Variants in TBCD observed in about 807,000 individuals in gnomAD.
The protein encoded by TBCD is tubulin-specific chaperone D.
TBCD carries 105 observed loss-of-function variants against 169.3 expected under a neutral mutation model. The ratio of observed to expected loss-of-function variants is 0.62; its 90% CI spans 0.53 to 0.73. The LOEUF (loss-of-function observed/expected upper bound fraction) is 0.73, where lower values mean the gene tolerates loss of function less well. TBCD is among the 30% of genes least tolerant of loss of function. The pLI is 0.00. For synonymous variants in TBCD, 700 were observed against 643.9 expected, an observed-to-expected ratio of 1.09 and a Z score of -1.32; for missense variants, 1,444 against 1,600.1, an observed-to-expected ratio of 0.90 and a Z score of 1.66.
At chr17:82,820,001 C>A (rs1478394550) in intron 13 of TBCD, among the ~76,000 whole-genome samples, 1 of 148,716 alleles carries the variant, frequency 6.7e-6, no homozygotes, top group Admixed American at 6.7e-5. Context: ...TTTTTTGAGA[C>A]AGAGTCTTGC....
At chr17:82,771,318 TAAAAG>T (rs1346748125) in intron 5 of TBCD, among the ~76,000 whole-genome samples, 2 of 151,658 alleles carry the variant, frequency 1.3e-5, no homozygotes, top group African/African-American at 4.8e-5. Flanking sequence ...TACCAAAAAA[TAAAAG>T]AAAATTAGCC....
chr17:82,882,380 C>T (rs932352391), intron 14 of TBCD, among the ~76,000 whole-genome samples: 2 of 152,204 alleles, frequency 1.3e-5, no homozygotes, highest in South Asian at 4.1e-4. Flanking sequence ...GTGTTCTGGG[C>T]CATCTCCAGG....
chr17:82,853,070 CT>C (rs946233470), intron 13 of TBCD, among the ~76,000 whole-genome samples: 7 of 151,530 alleles, frequency 4.6e-5, no homozygotes, highest in African/African-American at 1.7e-4. Context: ...TTCTCTCTCT[CT>C]TTTTTTTTAA....
rs908088918 is a variant in TBCD, at chr17:82,789,379, C to T, written c.771+7658C>T. On this transcript the variant is annotated intron_variant, in intron 7 of 38. Coordinates refer to ENST00000355528, the MANE Select transcript of TBCD (RefSeq NM_005993.5). This position sits in a 1 kb window ranked among gnomAD's most constrained non-coding sequence, Gnocchi z 4.8. The stretch of plus-strand genomic sequence containing the variant: ...TGAGGTGGCGCGACCTGCTCACAGA[C>T]GTGTGCTCACAGGCAGCCCGTCGCG... 5.3e-5 allele frequency among the ~76,000 whole-genome samples: 8 copies of T among 152,258 alleles called. No individual in the cohort carries two copies. The highest frequency in any genetic ancestry group is 9.6e-5 in the African/African-American group (4 of 41,466).
intron 6 of TBCD, among the ~76,000 whole-genome samples, chr17:82,775,002 C>T (rs1056951762): frequency 2.6e-5 from 4 of 152,216 alleles, no homozygotes; most frequent in Non-Finnish European, 4.4e-5. Context: ...CTGAGGGTTG[C>T]GTAGATTTTT....
At chr17:82,763,108 TTC>T (rs1156738652) in intron 2 of TBCD, among the ~76,000 whole-genome samples, 2 of 152,218 alleles carry the variant, frequency 1.3e-5, no homozygotes, top group Admixed American at 6.5e-5. Context: ...TTCAGCGATT[TTC>T]TCTTACTTGT....
rs2063428750 is a variant in TBCD at position 82,942,820 on chromosome 17, C to G, written c.*357C>G. 1 of 383,504 alleles carries G rather than the reference C, an allele frequency of 2.6e-6. No individual in the cohort carries two copies. The highest frequency in any genetic ancestry group is 4.7e-6 in the Non-Finnish European group (1 of 211,320). 23.8% of individuals were successfully genotyped at this position (383,504 alleles called of 1,614,324 possible). A position where few individuals can be genotyped will look rare whatever the true frequency, so the allele number is the denominator to read the frequency against. Reference sequence around the variant, plus strand: ...CTCCTCCTGCCTGGAGACCAGGCCCCCTTCTTGCCTGGTGCTGTCCCTGCT... The same window carrying G: ...CTCCTCCTGCCTGGAGACCAGGCCCGCTTCTTGCCTGGTGCTGTCCCTGCT... On this transcript the variant is annotated 3_prime_UTR_variant, in exon 39 of 39. Transcript: ENST00000355528.
Position 82,927,173 on chromosome 17 carries a change from T to C in TBCD, c.2472-13T>C. On this transcript the variant is annotated splice_polypyrimidine_tract_variant and intron_variant, in intron 28 of 38. Transcript: ENST00000355528. Reference sequence around the variant, plus strand: ...CGATGTTTGTTTGTTAGCTCACACATTTTAAATTTCAGGATTTGCCAGACT... The same window carrying C: ...CGATGTTTGTTTGTTAGCTCACACACTTTAAATTTCAGGATTTGCCAGACT... 1 of 1,613,952 alleles carries C rather than the reference T, an allele frequency of 6.2e-7. No individual in the cohort carries two copies. The highest frequency in any genetic ancestry group is 8.5e-7 in the Non-Finnish European group (1 of 1,179,846).
intron 22 of TBCD, among the ~76,000 whole-genome samples, chr17:82,910,277 T>C (rs1032012937): frequency 1.3e-5 from 2 of 152,200 alleles, no homozygotes; most frequent in African/African-American, 4.8e-5. Context: ...TGTGGTCGGC[T>C]CTGAACGTGG....
At chr17:82,760,187 T>G (rs2047680794) in intron 2 of TBCD, among the ~76,000 whole-genome samples, 1 of 152,196 alleles carries the variant, frequency 6.6e-6, no homozygotes, top group African/African-American at 2.4e-5. Flanking sequence ...GTCATTTTGT[T>G]TGATGTTAGT....
chr17:82,913,363 T>C, intron 23 of TBCD: 1 of 152,234 alleles, frequency 6.6e-6, no homozygotes, highest in East Asian at 1.9e-4. Flanking sequence ...GTTTGAGCAG[T>C]AAGTCTGCAC....
At chr17:82,853,946 TC>T (rs1261214038) in intron 13 of TBCD, among the ~76,000 whole-genome samples, 1 of 152,154 alleles carries the variant, frequency 6.6e-6, no homozygotes, top group African/African-American at 2.4e-5. Context: ...CCCAACCCAG[TC>T]CCATTCCACA....
intron 20 of TBCD, among the ~76,000 whole-genome samples, chr17:82,906,893 G>A (rs1051228320): frequency 2.0e-5 from 3 of 152,276 alleles, no homozygotes; most frequent in Admixed American, 1.3e-4. Context: ...CTCTGTGGTT[G>A]TGGAAGAAGG....
intron 13 of TBCD, among the ~76,000 whole-genome samples, chr17:82,862,179 C>CA (rs2056828213): frequency 6.6e-6 from 1 of 152,208 alleles, no homozygotes; most frequent in Admixed American, 6.5e-5. Flanking sequence ...GCCTCAGCCT[C>CA]CCAAAGTGCT....
In TBCD at chr17:82,911,710, T is replaced by C. The variant is rs751312643; in HGVS notation, c.2007-48T>C. On this transcript the variant is annotated intron_variant, in intron 22 of 38. Coordinates refer to ENST00000355528, the MANE Select transcript of TBCD (RefSeq NM_005993.5). The stretch of plus-strand genomic sequence containing the variant: ...TTGGCAAGCATATTTCATGGTGTTT[T>C]ATACGTCAAGAGGTTCTTCTAATTC... The C allele has an allele frequency of 5.7e-6, 9 of 1,591,272 alleles. No homozygotes were observed. The African/African-American group carries it at 9.4e-5, about 17-fold the overall frequency.
At position 82,833,855 on chromosome 17, in the gene TBCD, T is replaced by C. The variant is rs2053724935; in HGVS notation, c.1318+18921T>C. Among the ~76,000 whole-genome samples the C allele has an allele frequency of 2.6e-5, 4 of 152,314 alleles. No individual in the cohort carries two copies. Among genetic ancestry groups the C allele is most frequent in the Middle Eastern group, 3.4e-3 (1 of 292 alleles). On this transcript the variant is annotated intron_variant, in intron 13 of 38. Coordinates refer to ENST00000355528, the MANE Select transcript of TBCD (RefSeq NM_005993.5). The surrounding 1 kb of genome is among the most constrained non-coding windows in gnomAD (Gnocchi z 4.7). ...GTGATGTCAGAGCTGGCCTGCTCTTTTGGATTCTTCCAGAGGGTCTCTGTG... is the reference window on the plus strand; with the variant it reads ...GTGATGTCAGAGCTGGCCTGCTCTTCTGGATTCTTCCAGAGGGTCTCTGTG...
chr17:82,783,526 C>A (rs1480370048), intron 7 of TBCD, among the ~76,000 whole-genome samples: 6 of 152,214 alleles, frequency 3.9e-5, no homozygotes. Context: ...CCTTCCCCAG[C>A]CCCTGCAGCC....
At position 82,938,073 on chromosome 17, in the gene TBCD, C is replaced by T. The variant is rs762267763; in HGVS notation, c.3306C>T (p.Pro1102=). ...GGTTCTGCGAGATGGTGCAGTTCCC[C>T]GGCGACGTGAGGAGGCAGGCCCTCC... ...IAVFCEMVQF[P]GDVRRQALLQ... is the part of the protein sequence containing the mutation. Residue 1102 remains proline, a synonymous_variant, in exon 36 of 39, where the codon CCC becomes CCT. Transcript: ENST00000355528. The T allele has an allele frequency of 8.5e-5, 137 of 1,613,126 alleles. No homozygotes were observed. The highest frequency in any genetic ancestry group is 1.6e-4 in the East Asian group (7 of 44,870).
intron 20 of TBCD, among the ~76,000 whole-genome samples, chr17:82,906,549 G>C (rs1218995852): frequency 6.6e-6 from 1 of 152,242 alleles, no homozygotes; most frequent in Non-Finnish European, 1.5e-5. Context: ...TGGGGTCACT[G>C]GGAAGTTGTG....
Sources: gnomAD v4.1 joint callset for allele counts (sites outside exome capture counted in the v4.1 genomes callset) on GRCh38, gnomAD v4.1.1 for gene constraint, Gnocchi (gnomAD v3.1) non-coding constraint, MANE v1.5 for transcripts, NCBI Gene and HGNC (gene_info 2026-07-23, HGNC 2026-07-21) for gene names.